LCP2: variants seen among roughly 807,000 people sequenced by gnomAD.
LCP2 encodes the protein lymphocyte cytosolic protein 2, also known as 76 kDa tyrosine phosphoprotein.
Under a neutral mutation model 74.5 loss-of-function variants are expected in LCP2, and 29 were observed. That is an observed-to-expected ratio of 0.39 (90% CI 0.29 to 0.53). The LOEUF (loss-of-function observed/expected upper bound fraction) is 0.53, where lower values mean the gene tolerates loss of function less well. Ranked by LOEUF, LCP2 falls within the 20% of genes least tolerant of loss-of-function variation. LCP2 has a pLI of 0.72. For synonymous variants in LCP2, 228 were observed against 229.5 expected, an observed-to-expected ratio of 0.99 and a Z score of 0.06; for missense variants, 604 against 634.6, an observed-to-expected ratio of 0.95 and a Z score of 0.52.
chr5:170,264,978 C>CTTTTTT (rs58508083), intron 10 of LCP2, among the ~76,000 whole-genome samples: 5 of 108,994 alleles, frequency 4.6e-5, no homozygotes, highest in African/African-American at 2.1e-4. Context: ...CAAAATTTGC[C>CTTTTTT]TTTTTTTTTT....
At chr5:170,289,657 CTTTCTTTCTT>C (rs770823726) in intron 2 of LCP2, among the ~76,000 whole-genome samples, 1,866 of 118,294 alleles carry the variant, frequency 0.016, 61 homozygotes, top group African/African-American at 0.051. Context: ...TTCTTTCTTT[CTTTCTTTCTT>C]TCTTTCTCTC....
At position 170,248,697 on chromosome 5, in the gene LCP2, C is replaced by G; in HGVS notation, c.1602G>C (p.Ter534TyrextTer29). 1 of 1,611,844 alleles carries G rather than the reference C, an allele frequency of 6.2e-7. No homozygotes were observed. Among genetic ancestry groups the G allele is most frequent in the Non-Finnish European group, 8.5e-7 (1 of 1,178,882 alleles). Residue 534 changes from the stop codon to tyrosine, a stop_lost, in exon 21 of 21, where the codon TAG becomes TAC. Coordinates refer to ENST00000046794, the MANE Select transcript of LCP2 (RefSeq NM_005565.5). Reference sequence around the variant, plus strand: ...GGTTCATTTGCTCGGCTATAACTTGCTATGGGTACCCTGCAGCATGCGTTA... The same window carrying G: ...GGTTCATTTGCTCGGCTATAACTTGGTATGGGTACCCTGCAGCATGCGTTA... The part of the protein sequence containing the change: ...CTLTHAAGYP[*>Y]
At chr5:170,294,249 A>G (rs1294776542) in intron 1 of LCP2, among the ~76,000 whole-genome samples, 2 of 152,236 alleles carry the variant, frequency 1.3e-5, no homozygotes, top group Non-Finnish European at 2.9e-5. Flanking sequence ...CCTCATCCCA[A>G]TCAAAATAGA....
At chr5:170,293,181 C>T (rs1762318610) in intron 2 of LCP2, 129 bp downstream of exon 2, 1 of 883,260 alleles carries the variant, frequency 1.1e-6, no homozygotes, top group African/African-American at 1.7e-5. Context: ...GGGGCCCTAC[C>T]AAATTTCTGG....
intron 3 of LCP2, among the ~76,000 whole-genome samples, chr5:170,277,125 T>C (rs541570556): frequency 7.6e-4 from 114 of 149,612 alleles, no homozygotes; most frequent in African/African-American, 2.7e-3. Context: ...ACATAGTAGT[T>C]AGTGGTAAAG....
At chr5:170,269,803 C>T (rs1349518940) in intron 7 of LCP2, among the ~76,000 whole-genome samples, 1 of 152,200 alleles carries the variant, frequency 6.6e-6, no homozygotes, top group African/African-American at 2.4e-5. Flanking sequence ...CTGGCACACA[C>T]AAGGCACTCA....
chr5:170,266,217 G>GA (rs1195157224), intron 10 of LCP2, among the ~76,000 whole-genome samples: 1 of 152,164 alleles, frequency 6.6e-6, no homozygotes, highest in Non-Finnish European at 1.5e-5. Flanking sequence ...AAATTGTGAA[G>GA]AAAAAGCACT....
chr5:170,256,046 A>G lies in LCP2; in HGVS notation c.1150+480T>C, dbSNP rs562040450. ...TCATGGAAATCTAAAACTGCAGAGAAAGGCAAACAGGATTCTGAGGATTCC... is the reference window on the plus strand; with the variant it reads ...TCATGGAAATCTAAAACTGCAGAGAGAGGCAAACAGGATTCTGAGGATTCC... On this transcript the variant is annotated intron_variant, in intron 17 of 20. Transcript: ENST00000046794. The surrounding 1 kb of genome is among the most constrained non-coding windows in gnomAD (Gnocchi z 4.5). Among the ~76,000 whole-genome samples, 6 of 152,366 alleles carry G rather than the reference A, an allele frequency of 3.9e-5. No homozygotes were observed. In the South Asian group the frequency reaches 1.2e-3, roughly 32 times the overall value.
At chr5:170,265,314 G>A (rs1761732595) in intron 10 of LCP2, among the ~76,000 whole-genome samples, 1 of 152,134 alleles carries the variant, frequency 6.6e-6, no homozygotes, top group Non-Finnish European at 1.5e-5. Flanking sequence ...CATATTCTCT[G>A]AGCATGTTAA....
At chr5:170,260,365 T>C (rs1295817978) in intron 14 of LCP2, among the ~76,000 whole-genome samples, 1 of 152,238 alleles carries the variant, frequency 6.6e-6, no homozygotes, top group African/African-American at 2.4e-5. Context: ...AGCCCTTGAA[T>C]GACAGCAGGG....
Position 170,247,944 on chromosome 5 carries a change from C to G in LCP2, c.*753G>C, listed in dbSNP as rs577481511. 1.2e-4 allele frequency: 19 copies of G among 152,258 alleles called. No homozygotes were observed. Among genetic ancestry groups the G allele is most frequent in the African/African-American group, 4.3e-4 (18 of 41,542 alleles). The allele number at this position is 152,258 out of a possible 1,614,324, so 9.4% of individuals were successfully genotyped here. ...TTAACCCCAGATGTGTTCATTAAAC[C>G]TAGACCCACGATACACCAAAGTCTC... On this transcript the variant is annotated 3_prime_UTR_variant, in exon 21 of 21. Transcript: ENST00000046794.
intron 1 of LCP2, among the ~76,000 whole-genome samples, chr5:170,295,207 A>T (rs1762352927): frequency 1.3e-5 from 2 of 152,222 alleles, no homozygotes; most frequent in Non-Finnish European, 2.9e-5. Context: ...AGATTGAACA[A>T]ATATGTAACA....
chr5:170,252,417 A>T lies in LCP2; in HGVS notation c.1323+17T>A, dbSNP rs1249881105. 1.4e-6 allele frequency: 2 copies of T among 1,456,340 alleles called. No individual in the cohort carries two copies. The highest frequency in any genetic ancestry group is 1.9e-6 in the Non-Finnish European group (2 of 1,047,514). 90.2% of individuals were successfully genotyped at this position (1,456,340 alleles called of 1,614,324 possible). On this transcript the variant is annotated intron_variant, in intron 19 of 20. Transcript: ENST00000046794. The stretch of plus-strand genomic sequence containing the variant: ...TTAATATTTACAACTATGTTAAAAT[A>T]AACTATAGCACAATACCTGGTTTAT...
intron 3 of LCP2, among the ~76,000 whole-genome samples, chr5:170,278,084 A>G (rs1762036429): frequency 1.3e-5 from 2 of 150,692 alleles, no homozygotes; most frequent in African/African-American, 4.9e-5. Flanking sequence ...AGAGCTGGCA[A>G]GGGAGCCCCG....
chr5:170,289,792 G>A (rs1338980469), intron 2 of LCP2, among the ~76,000 whole-genome samples: 1 of 123,556 alleles, frequency 8.1e-6, no homozygotes, highest in Non-Finnish European at 1.6e-5. Context: ...GCATCTCCCT[G>A]CTTCTGAACT....
intron 1 of LCP2, 56 bp from the exon 2 acceptor site, chr5:170,293,428 C>G: frequency 6.6e-7 from 1 of 1,511,538 alleles, no homozygotes; most frequent in African/African-American, 1.4e-5. Context: ...ACCATTGGTT[C>G]CTCTCCCTTG....
At chr5:170,275,405 C>A in intron 4 of LCP2, 54 bp from the exon 5 acceptor site, 3 of 1,598,496 alleles carry the variant, frequency 1.9e-6, no homozygotes, top group Non-Finnish European at 2.6e-6. Flanking sequence ...AGGGGATCTC[C>A]CTCTTTCCTC....
At position 170,280,049 on chromosome 5, in the gene LCP2, A is replaced by G. The variant is rs148856045; in HGVS notation, c.189-4189T>C. ...CACAAAGCATGCAGTAGGAATAGGC[A>G]TTGTCCTGTGAAAATTCCATCTTTG... On this transcript the variant is annotated intron_variant, in intron 3 of 20. Coordinates refer to ENST00000046794, the MANE Select transcript of LCP2 (RefSeq NM_005565.5). Among the ~76,000 whole-genome samples, 681 of 152,234 alleles carry G rather than the reference A, an allele frequency of 4.5e-3. 8 individuals are homozygous for G. The highest frequency in any genetic ancestry group is 0.015 in the African/African-American group (642 of 41,520).
At chr5:170,278,181 C>T (rs1016981637) in intron 3 of LCP2, among the ~76,000 whole-genome samples, 7 of 150,388 alleles carry the variant, frequency 4.7e-5, no homozygotes, top group Non-Finnish European at 1.0e-4. Context: ...ACAATGTGCA[C>T]TGAGGGCCTT....
Sources: allele counts gnomAD v4.1 joint callset (sites outside exome capture counted in the v4.1 genomes callset), GRCh38; gene constraint gnomAD v4.1.1; non-coding constraint Gnocchi (gnomAD v3.1); transcripts MANE v1.5; gene names NCBI Gene and HGNC (gene_info 2026-07-23, HGNC 2026-07-21).